CTNNA3: variants seen among roughly 807,000 people sequenced by gnomAD.
CTNNA3 encodes catenin alpha 3, also known as catenin alpha-3.
In CTNNA3, 76 loss-of-function variants were observed where a neutral mutation model predicts 95.7. The observed-to-expected ratio is 0.79, with a 90% CI of 0.66 to 0.96. The LOEUF is 0.96. Ranked by LOEUF, CTNNA3 falls within the 40% of genes least tolerant of loss-of-function variation. CTNNA3 has a pLI of 0.00. For missense variants in CTNNA3, 1,191 were observed against 1,089.8 expected (o/e 1.09, Z -1.31); for synonymous variants, 431 against 374.4 (o/e 1.15, Z -1.74).
intron 7 of CTNNA3, among the ~76,000 whole-genome samples, chr10:66,810,192 A>T (rs1035707764): frequency 3.9e-5 from 6 of 152,194 alleles, no homozygotes; most frequent in African/African-American, 1.4e-4. Context: ...ATTAATTGTG[A>T]ATTACCTATC....
chr10:67,237,244 G>T (rs941332354), intron 5 of CTNNA3, among the ~76,000 whole-genome samples: 1 of 147,936 alleles, frequency 6.8e-6, no homozygotes, highest in African/African-American at 2.5e-5. Context: ...ACCTGGATGA[G>T]ATTGGATACT....
chr10:66,159,787 C>T (rs963305628), intron 13 of CTNNA3, among the ~76,000 whole-genome samples: 1 of 151,850 alleles, frequency 6.6e-6, no homozygotes, highest in Non-Finnish European at 1.5e-5. Flanking sequence ...TAGAATTCTG[C>T]TGTGAATCTG....
intron 1 of CTNNA3, among the ~76,000 whole-genome samples, chr10:67,694,094 C>T (rs1261651479): frequency 6.6e-6 from 1 of 152,182 alleles, no homozygotes; most frequent in Non-Finnish European, 1.5e-5. Context: ...ATATAAATCA[C>T]TATGTCTACA....
At chr10:66,573,233 T>A (rs1169453340) in intron 10 of CTNNA3, among the ~76,000 whole-genome samples, 1 of 152,188 alleles carries the variant, frequency 6.6e-6, no homozygotes, top group Non-Finnish European at 1.5e-5. Context: ...TGTATTTCAG[T>A]GTTAGGCCTA....
rs553243426 is a variant in CTNNA3 at position 67,617,336 on chromosome 10, A to G, written c.100-10287T>C. Among the ~76,000 whole-genome samples the G allele has an allele frequency of 6.4e-4, 98 of 152,184 alleles. 1 individual carries two copies. Among genetic ancestry groups the G allele is most frequent in the African/African-American group, 2.3e-3 (95 of 41,528 alleles). On this transcript the variant is annotated intron_variant, in intron 2 of 17. Transcript: ENST00000433211. ...TCTCATCATTTAGCTTCTACTTATAAGTGAGCACACAAGTGGTATTTGGTT... is the reference window on the plus strand; with the variant it reads ...TCTCATCATTTAGCTTCTACTTATAGGTGAGCACACAAGTGGTATTTGGTT...
chr10:66,063,310 A>T (rs140387039), intron 15 of CTNNA3, among the ~76,000 whole-genome samples: 7 of 133,728 alleles, frequency 5.2e-5, no homozygotes, highest in Non-Finnish European at 8.2e-5. Flanking sequence ...CTCTCTCTAT[A>T]TATATATATA....
At chr10:66,761,980 T>C (rs937161252) in intron 9 of CTNNA3, among the ~76,000 whole-genome samples, 6 of 152,152 alleles carry the variant, frequency 3.9e-5, no homozygotes, top group African/African-American at 1.4e-4. Flanking sequence ...GTCAATATTT[T>C]AGAAAGAAAA....
intron 15 of CTNNA3, among the ~76,000 whole-genome samples, chr10:65,996,382 T>C (rs1237982464): frequency 2.0e-5 from 3 of 152,102 alleles, no homozygotes; most frequent in African/African-American, 7.2e-5. Flanking sequence ...TGTTCTATAG[T>C]GCTGAGGACC....
chr10:66,011,258 C>T (rs1016672847), intron 15 of CTNNA3, among the ~76,000 whole-genome samples: 2 of 152,116 alleles, frequency 1.3e-5, no homozygotes, highest in Admixed American at 1.3e-4. Flanking sequence ...CCACATTCTC[C>T]TCCTGTGACC....
chr10:67,205,911 C>T (rs912451264), intron 6 of CTNNA3, among the ~76,000 whole-genome samples: 3 of 152,154 alleles, frequency 2.0e-5, no homozygotes, highest in African/African-American at 7.2e-5. Context: ...ATAAGCTTCT[C>T]GCCAGCTTTT....
At chr10:66,288,752 T>A (rs7907443) in intron 12 of CTNNA3, among the ~76,000 whole-genome samples, 1 of 151,756 alleles carries the variant, frequency 6.6e-6, no homozygotes, top group East Asian at 1.9e-4. Context: ...TGCAGGGCAC[T>A]GGTTTAATGT....
At chr10:66,499,806 C>CTT (rs34040723) in intron 11 of CTNNA3, among the ~76,000 whole-genome samples, 21,709 of 140,644 alleles carry the variant, frequency 0.15, 1,740 homozygotes, top group Middle Eastern at 0.19. Context: ...GTTGCATTTC[C>CTT]TTTTTTTTTT....
chr10:66,862,221 A>T (rs1166413315), intron 7 of CTNNA3, among the ~76,000 whole-genome samples: 1 of 152,128 alleles, frequency 6.6e-6, no homozygotes, highest in Non-Finnish European at 1.5e-5. Context: ...CTCAAAAAGA[A>T]AAAAACAAAA....
At chr10:65,965,462 T>C (rs75888695) in intron 17 of CTNNA3, among the ~76,000 whole-genome samples, 4,820 of 138,044 alleles carry the variant, frequency 0.035, 100 homozygotes, top group Middle Eastern at 0.11. Flanking sequence ...TGGAGTGCAG[T>C]GGCACGATCT....
At chr10:67,093,521 AT>A (rs1857786849) in intron 7 of CTNNA3, among the ~76,000 whole-genome samples, 1 of 151,910 alleles carries the variant, frequency 6.6e-6, no homozygotes, top group African/African-American at 2.4e-5. Context: ...AGAGAATGGA[AT>A]TTATTGTGAG....
At chr10:66,073,904 G>A (rs1589329164) in intron 14 of CTNNA3, among the ~76,000 whole-genome samples, 1 of 152,110 alleles carries the variant, frequency 6.6e-6, no homozygotes, top group East Asian at 1.9e-4. Context: ...TAAATGTACA[G>A]TTGGAACGAT....
chr10:67,575,342 G>GTAAACTTGGCCATCA, intron 3 of CTNNA3, among the ~76,000 whole-genome samples: 2 of 151,802 alleles, frequency 1.3e-5, no homozygotes, highest in South Asian at 4.2e-4. Context: ...TCAATTGTGT[G>GTAAACTTGGCCATCA]TTTTGAGACA....
chr10:67,457,278 AG>A (rs1847209172), intron 5 of CTNNA3, among the ~76,000 whole-genome samples: 1 of 152,278 alleles, frequency 6.6e-6, no homozygotes, highest in East Asian at 1.9e-4. Flanking sequence ...CAAGGCACTC[AG>A]CTAGGAAAAA....
chr10:67,493,151 C>G (rs2133083287), intron 5 of CTNNA3, among the ~76,000 whole-genome samples: 1 of 150,844 alleles, frequency 6.6e-6, no homozygotes, highest in African/African-American at 2.4e-5. Flanking sequence ...CGGGGGTTGC[C>G]TTTCAGGCCA....
Sources: allele counts gnomAD v4.1 joint callset (sites outside exome capture counted in the v4.1 genomes callset), GRCh38; gene constraint gnomAD v4.1.1; transcripts MANE v1.5; gene names NCBI Gene and HGNC (gene_info 2026-07-23, HGNC 2026-07-21).